Variants in GRB10 observed in about 807,000 individuals in gnomAD.
GRB10 encodes growth factor receptor bound protein 10, also known as growth factor receptor-bound protein 10.
GRB10 carries 20 observed loss-of-function variants against 80.9 expected under a neutral mutation model. The observed-to-expected ratio is 0.25, with a 90% CI of 0.17 to 0.36. GRB10 has a LOEUF of 0.36. Ranked by LOEUF, GRB10 falls within the 10% of genes least tolerant of loss-of-function variation. The pLI is 1.00. For missense variants in GRB10, 548 were observed against 747.7 expected (o/e 0.73, Z 3.12); for synonymous variants, 291 against 291.5 (o/e 1.00, Z 0.02).
intron 7 of GRB10, among the ~76,000 whole-genome samples, chr7:50,660,995 G>A (rs1458766493): frequency 6.6e-6 from 1 of 152,216 alleles, no homozygotes; most frequent in African/African-American, 2.4e-5. Context: ...AGACTGTGGA[G>A]GTGCTAAGAG....
At chr7:50,617,937 T>G (rs2050959660) in intron 10 of GRB10, 134 bp downstream of exon 10, 4 of 772,264 alleles carry the variant, frequency 5.2e-6, no homozygotes, top group Non-Finnish European at 6.8e-6. Context: ...CAACCACCCC[T>G]CCGGCTTAAG....
chr7:50,716,824 C>T (rs2066949205), intron 4 of GRB10, among the ~76,000 whole-genome samples: 1 of 152,150 alleles, frequency 6.6e-6, no homozygotes, highest in Non-Finnish European at 1.5e-5. Flanking sequence ...AGGGTAGGAG[C>T]ACCCTATGAA....
chr7:50,783,439 C>CACACAT, upstream of GRB10, among the ~76,000 whole-genome samples: 1 of 142,474 alleles, frequency 7.0e-6, no homozygotes, highest in East Asian at 2.1e-4. Context: ...ACACACCTCA[C>CACACAT]ACACACACCA....
At chr7:50,640,197 G>A (rs1460081379) in intron 7 of GRB10, among the ~76,000 whole-genome samples, 1 of 152,236 alleles carries the variant, frequency 6.6e-6, no homozygotes, top group Non-Finnish European at 1.5e-5. Context: ...TTTACAGTCA[G>A]CTAGAGATTT....
At chr7:50,740,113 G>A (rs2071452477) in intron 3 of GRB10, among the ~76,000 whole-genome samples, 1 of 152,162 alleles carries the variant, frequency 6.6e-6, no homozygotes, top group African/African-American at 2.4e-5. Context: ...ACATTTTACT[G>A]CATTCCTTAG....
intron 5 of GRB10, among the ~76,000 whole-genome samples, chr7:50,690,057 G>A (rs550945012): frequency 6.6e-6 from 1 of 152,248 alleles, no homozygotes; most frequent in South Asian, 2.1e-4. Flanking sequence ...AGCACTTTGG[G>A]AGGCCAAGAC....
At chr7:50,701,877 G>A (rs1017022043) in intron 5 of GRB10, among the ~76,000 whole-genome samples, 2 of 152,178 alleles carry the variant, frequency 1.3e-5, no homozygotes, top group African/African-American at 4.8e-5. Context: ...ATCTGTCTGA[G>A]CATTATAAAC....
At chr7:50,759,483 G>GT (rs1463829534) in intron 2 of GRB10, among the ~76,000 whole-genome samples, 3 of 152,294 alleles carry the variant, frequency 2.0e-5, no homozygotes, top group Admixed American at 2.0e-4. Context: ...AAATGGCGTA[G>GT]TATTTGGATA....
chr7:50,637,113 G>A (rs932771838), intron 7 of GRB10, among the ~76,000 whole-genome samples: 2 of 152,076 alleles, frequency 1.3e-5, no homozygotes, highest in Non-Finnish European at 2.9e-5. Context: ...AAGTAGCTGG[G>A]ACTACAGGCA....
chr7:50,664,632 C>T (rs995248235), intron 7 of GRB10, among the ~76,000 whole-genome samples: 20 of 152,280 alleles, frequency 1.3e-4, no homozygotes, highest in East Asian at 3.9e-4. Context: ...CAGAAGGCCC[C>T]GGAGGGTCTG....
At chr7:50,729,950 A>G (rs1322766267) in intron 4 of GRB10, among the ~76,000 whole-genome samples, 2 of 152,144 alleles carry the variant, frequency 1.3e-5, no homozygotes, top group Admixed American at 6.6e-5. Flanking sequence ...AAAGAATTAA[A>G]GATCACAGCC....
At chr7:50,630,734 T>TA (rs755337384) in intron 7 of GRB10, among the ~76,000 whole-genome samples, 2 of 152,324 alleles carry the variant, frequency 1.3e-5, no homozygotes, top group East Asian at 3.9e-4. Context: ...ACGGCAATAT[T>TA]AAAGAGGGCA....
intron 5 of GRB10, among the ~76,000 whole-genome samples, chr7:50,692,889 C>T (rs2062990728): frequency 6.6e-6 from 1 of 152,116 alleles, no homozygotes; most frequent in East Asian, 1.9e-4. Flanking sequence ...TGATTCCCAT[C>T]CCACCACTGA....
intron 4 of GRB10, among the ~76,000 whole-genome samples, chr7:50,721,956 G>A (rs2067823036): frequency 6.6e-6 from 1 of 152,248 alleles, no homozygotes; most frequent in Non-Finnish European, 1.5e-5. Flanking sequence ...AGCGCGTGGA[G>A]CGGGGAGAAG....
chr7:50,703,046 C>T (rs1467976009), intron 5 of GRB10, among the ~76,000 whole-genome samples: 2 of 152,170 alleles, frequency 1.3e-5, no homozygotes, highest in African/African-American at 2.4e-5. Flanking sequence ...AAAGATGATC[C>T]CAAAATTATG....
intron 2 of GRB10, among the ~76,000 whole-genome samples, chr7:50,770,976 G>A (rs1188521524): frequency 6.6e-6 from 1 of 152,070 alleles, no homozygotes; most frequent in East Asian, 1.9e-4. Flanking sequence ...ACCCAGCCCT[G>A]GGGGTGCTCC....
chr7:50,742,735 G>C (rs376776331), intron 3 of GRB10, among the ~76,000 whole-genome samples: 3 of 152,104 alleles, frequency 2.0e-5, no homozygotes, highest in Non-Finnish European at 2.9e-5. Flanking sequence ...GGATGGGGAG[G>C]GGGTGGGGGG....
chr7:50,623,755 T>C (rs761567813), intron 8 of GRB10, among the ~76,000 whole-genome samples: 7 of 152,222 alleles, frequency 4.6e-5, no homozygotes, highest in Non-Finnish European at 1.0e-4. Context: ...ATATTTTAGC[T>C]GTTAAGATCC....
intron 7 of GRB10, among the ~76,000 whole-genome samples, chr7:50,633,005 A>G (rs1045170544): frequency 1.3e-5 from 2 of 152,148 alleles, no homozygotes; most frequent in Non-Finnish European, 2.9e-5. Context: ...AATCCCGCCC[A>G]TGGCCAGGGA....
Sources: allele counts gnomAD v4.1 joint callset (sites outside exome capture counted in the v4.1 genomes callset), GRCh38; gene constraint gnomAD v4.1.1; transcripts MANE v1.5; gene names NCBI Gene and HGNC (gene_info 2026-07-23, HGNC 2026-07-21).